The following ADCY5 variants were observed in gnomAD, a reference collection of about 807,000 sequenced individuals.
ADCY5 encodes the protein adenylate cyclase type 5.
A neutral mutation model predicts 119.7 loss-of-function variants in ADCY5; 30 were observed. That is an observed-to-expected ratio of 0.25 (90% CI 0.19 to 0.34). The LOEUF (loss-of-function observed/expected upper bound fraction) is 0.34, where lower values mean the gene tolerates loss of function less well. ADCY5 is among the 10% of genes least tolerant of loss of function. ADCY5 has a pLI of 1.00. For synonymous variants in ADCY5, 753 were observed against 762.2 expected (o/e 0.99, Z 0.20); for missense variants, 1,324 against 1,775.2 (o/e 0.75, Z 4.57).
chr3:123,325,444 T>C lies in ADCY5; in HGVS notation c.1966A>G (p.Ile656Val). 1 of 1,614,134 alleles carries C rather than the reference T, an allele frequency of 6.2e-7. No homozygotes were observed. The highest frequency in any genetic ancestry group is 2.2e-5 in the East Asian group (1 of 44,868). The change falls in exon 8 of 21, where the codon ATC becomes GTC. Residue 656 changes from isoleucine to valine, a missense_variant. Physicochemically the swap from Ile to Val is conservative, Grantham distance 29 (BLOSUM62 3). Transcript: ENST00000462833. ...TQKRKEEKAM[I>V]AKMNRQRTNS... is the part of the protein sequence containing the mutation. ...GTTCTCTGGCGGTTCATCTTGGCGA[T>C]CATGGCCTTCTCTTCTTTCTGGAAG...
intron 1 of ADCY5, among the ~76,000 whole-genome samples, chr3:123,372,855 G>A (rs1943684152): frequency 6.6e-6 from 1 of 152,164 alleles, no homozygotes; most frequent in African/African-American, 2.4e-5. Flanking sequence ...AAGTCTGAAC[G>A]TGTGTCAACT....
chr3:123,405,340 G>A (rs904439528), intron 1 of ADCY5, among the ~76,000 whole-genome samples: 1 of 152,246 alleles, frequency 6.6e-6, no homozygotes, highest in Non-Finnish European at 1.5e-5. Context: ...GGATGGAGAA[G>A]CACGGACAAG....
At chr3:123,305,759 C>T (rs968722772) in intron 12 of ADCY5, among the ~76,000 whole-genome samples, 4 of 152,200 alleles carry the variant, frequency 2.6e-5, no homozygotes, top group African/African-American at 9.7e-5. Context: ...TGGCTGTGTG[C>T]ATAGGGAGGG....
At chr3:123,408,614 C>T (rs1944965661) in intron 1 of ADCY5, among the ~76,000 whole-genome samples, 1 of 150,636 alleles carries the variant, frequency 6.6e-6, no homozygotes, top group East Asian at 2.0e-4. Context: ...CGAGATGGCG[C>T]CACTGCACTC....
At chr3:123,311,994 T>C (rs1940614095) in intron 12 of ADCY5, among the ~76,000 whole-genome samples, 1 of 152,126 alleles carries the variant, frequency 6.6e-6, no homozygotes, top group Non-Finnish European at 1.5e-5. Flanking sequence ...GCAGGGATGA[T>C]TTTCATAACT....
At chr3:123,339,066 G>A (rs1284205179) in intron 3 of ADCY5, among the ~76,000 whole-genome samples, 1 of 152,202 alleles carries the variant, frequency 6.6e-6, no homozygotes, top group Admixed American at 6.5e-5. Context: ...ATGGTGGGAA[G>A]GGAGTATGGC....
At chr3:123,335,011 C>T (rs922595442) in intron 3 of ADCY5, among the ~76,000 whole-genome samples, 1 of 152,124 alleles carries the variant, frequency 6.6e-6, no homozygotes, top group Non-Finnish European at 1.5e-5. Context: ...AAGCCAATTC[C>T]CAGAGACAGT....
chr3:123,310,423 G>C (rs1940500271), intron 12 of ADCY5, among the ~76,000 whole-genome samples: 1 of 152,154 alleles, frequency 6.6e-6, no homozygotes, highest in African/African-American at 2.4e-5. Context: ...GCACTCAGGA[G>C]CTGTGAGTGA....
At chr3:123,358,523 C>T (rs1000435070) in intron 1 of ADCY5, among the ~76,000 whole-genome samples, 1 of 152,134 alleles carries the variant, frequency 6.6e-6, no homozygotes, top group Admixed American at 6.5e-5. Context: ...TCACTTGAGC[C>T]CAGGAGATAG....
At chr3:123,319,435 C>T (rs147924455) in intron 10 of ADCY5, among the ~76,000 whole-genome samples, 12 of 151,862 alleles carry the variant, frequency 7.9e-5, no homozygotes, top group African/African-American at 2.7e-4. Flanking sequence ...GGAATGTTAA[C>T]TGTCCCCATT....
rs115799878 is a variant in ADCY5, at chr3:123,431,482, A to G, written c.1134+15930T>C. The stretch of plus-strand genomic sequence containing the variant: ...AATGAGAGAGAGGAGGAAAGAGCTA[A>G]TAGAGTTAATATTTGACGGATCAAT... On this transcript the variant is annotated intron_variant, in intron 1 of 20. Transcript: ENST00000462833. Among the ~76,000 whole-genome samples the G allele has an allele frequency of 3.3e-3, 506 of 152,266 alleles. 1 individual carries two copies. The highest frequency in any genetic ancestry group is 0.012 in the African/African-American group (491 of 41,550).
rs1453132490 is a variant in ADCY5 at position 123,328,624 on chromosome 3, C to T, written c.1805+20G>A. On this transcript the variant is annotated intron_variant, in intron 6 of 20. Transcript: ENST00000462833. ...GGGAACCCAGGTCGGGGCCCCAAGCCACCCACAGCTGTCACTCACCCTGCC... is the reference window on the plus strand; with the variant it reads ...GGGAACCCAGGTCGGGGCCCCAAGCTACCCACAGCTGTCACTCACCCTGCC... 1 of 1,612,296 alleles carries T rather than the reference C, an allele frequency of 6.2e-7. No individual in the cohort carries two copies. Among genetic ancestry groups the T allele is most frequent in the African/African-American group, 1.3e-5 (1 of 74,936 alleles).
At chr3:123,421,620 A>G (rs1037648821) in intron 1 of ADCY5, among the ~76,000 whole-genome samples, 1 of 152,092 alleles carries the variant, frequency 6.6e-6, no homozygotes, top group South Asian at 2.1e-4. Flanking sequence ...GTGGTAGGCA[A>G]TGACTGGGTG....
chr3:123,447,354 G>C, intron 1 of ADCY5, 58 bp downstream of exon 1: 1 of 1,435,650 alleles, frequency 7.0e-7, no homozygotes, highest in Non-Finnish European at 9.2e-7. Context: ...TTTCTTTGGA[G>C]TCCAGCTGAG....
chr3:123,328,328 T>G (rs376368199), intron 6 of ADCY5, among the ~76,000 whole-genome samples: 1 of 151,800 alleles, frequency 6.6e-6, no homozygotes, highest in African/African-American at 2.4e-5. Flanking sequence ...CCAGAAACTA[T>G]CTGTGATTCC....
chr3:123,447,993 C>T lies in ADCY5; in HGVS notation c.553G>A (p.Gly185Arg). ...AGAVEGGEGS[G>R]DGGSSADSGS... Reference sequence around the variant, plus strand: ...GAGTCCGCCGAGCTGCCGCCATCCCCGGACCCCTCGCCGCCCTCGACGGCG... The same window carrying T: ...GAGTCCGCCGAGCTGCCGCCATCCCTGGACCCCTCGCCGCCCTCGACGGCG... The change falls in exon 1 of 21, where the codon GGG becomes AGG. Residue 185 changes from glycine to arginine, a missense_variant. Coordinates refer to ENST00000462833, the MANE Select transcript of ADCY5 (RefSeq NM_183357.3). The T allele has an allele frequency of 7.5e-7, 1 of 1,335,738 alleles. No homozygotes were observed. Among genetic ancestry groups the T allele is most frequent in the Middle Eastern group, 2.2e-4 (1 of 4,584 alleles). 82.7% of individuals were successfully genotyped at this position (1,335,738 alleles called of 1,614,324 possible).
chr3:123,338,147 C>A (rs922899785), intron 3 of ADCY5, among the ~76,000 whole-genome samples: 1 of 152,202 alleles, frequency 6.6e-6, no homozygotes, highest in African/African-American at 2.4e-5. Flanking sequence ...CACCTCCCTG[C>A]AGCCTCCTGG....
At chr3:123,295,177 A>T (rs890772646) in intron 17 of ADCY5, among the ~76,000 whole-genome samples, 18 of 152,182 alleles carry the variant, frequency 1.2e-4, no homozygotes, top group Admixed American at 1.0e-3. Flanking sequence ...ATCCAACGAA[A>T]AGCAGGGCCT....
chr3:123,291,099 GC>G lies in ADCY5; in HGVS notation c.3327+13del. The stretch of plus-strand genomic sequence containing the variant: ...CTCCCAGGAACACAGCCTGACCCAG[GC>G]CCCGCTGTGCACCTCATCAAAGTCA... On this transcript the variant is annotated intron_variant, in intron 18 of 20. Coordinates refer to ENST00000462833, the MANE Select transcript of ADCY5 (RefSeq NM_183357.3). 1.2e-6 allele frequency: 2 copies of G among 1,603,060 alleles called. No homozygotes were observed. The highest frequency in any genetic ancestry group is 1.7e-6 in the Non-Finnish European group (2 of 1,173,224).
Sources: allele counts gnomAD v4.1 joint callset (sites outside exome capture counted in the v4.1 genomes callset), GRCh38; gene constraint gnomAD v4.1.1; transcripts MANE v1.5; gene names NCBI Gene and HGNC (gene_info 2026-07-23, HGNC 2026-07-21).